KCNA3: variants seen among roughly 807,000 people sequenced by gnomAD.
The protein encoded by KCNA3 is RP11-284N8.3.
Under a neutral mutation model 34.3 loss-of-function variants are expected in KCNA3, and 18 were observed. That is an observed-to-expected ratio of 0.52 (90% CI 0.36 to 0.78). The LOEUF is 0.78. KCNA3 is among the 30% of genes least tolerant of loss of function. The pLI is 0.00. For missense variants in KCNA3, 587 were observed against 802.5 expected (o/e 0.73, Z 3.24); for synonymous variants, 324 against 351.7 (o/e 0.92, Z 0.88).
At chr1:110,654,394 G>A in the KCNA3 span, 1 of 152,062 alleles carries the variant, frequency 6.6e-6, no homozygotes, top group Non-Finnish European at 1.5e-5. Context: ...ATGGTCACTA[G>A]GTTGGATTTT....
rs1016385036 is a variant in KCNA3, at chr1:110,674,922, C to T, written c.-113G>A. ...CCACCGCCTGTTGCAGCCAAAGCCG[C>T]GATGCTCTGTCTGGGTCTGGCGCGG... On this transcript the variant is annotated 5_prime_UTR_variant, in exon 1 of 1. Coordinates refer to ENST00000369769, the MANE Select transcript of KCNA3 (RefSeq NM_002232.5). The surrounding 1 kb of genome is among the most constrained non-coding windows in gnomAD (Gnocchi z 6.4). The T allele has an allele frequency of 1.1e-5, 14 of 1,242,242 alleles. No individual in the cohort carries two copies. In the African/African-American group the frequency reaches 1.9e-4, roughly 17 times the overall value. The allele number at this position is 1,242,242 out of a possible 1,614,324, so 77.0% of individuals were successfully genotyped here.
chr1:110,656,278 T>C, the KCNA3 span: 1 of 152,176 alleles, frequency 6.6e-6, no homozygotes, highest in African/African-American at 2.4e-5. Flanking sequence ...TGATAAATCA[T>C]AATAATTTAA....
the KCNA3 span, among the ~76,000 whole-genome samples, chr1:110,657,388 T>C: frequency 6.6e-6 from 1 of 152,112 alleles, no homozygotes; most frequent in African/African-American, 2.4e-5. Flanking sequence ...ATAATGAGAA[T>C]TTGGGGACTG....
chr1:110,667,652 T>C (rs1358200754), downstream of KCNA3, among the ~76,000 whole-genome samples: 1 of 152,144 alleles, frequency 6.6e-6, no homozygotes, highest in Non-Finnish European at 1.5e-5. Context: ...CTCTTCTTAA[T>C]ATGCATTTGA....
chr1:110,659,989 C>T, the KCNA3 span, among the ~76,000 whole-genome samples: 1 of 152,042 alleles, frequency 6.6e-6, no homozygotes, highest in African/African-American at 2.4e-5. Flanking sequence ...ATGTAAATGA[C>T]AAGTTGATGG....
the KCNA3 span, among the ~76,000 whole-genome samples, chr1:110,663,902 T>C: frequency 6.6e-6 from 1 of 152,226 alleles, no homozygotes; most frequent in Admixed American, 6.5e-5. Flanking sequence ...CTTCAAAAAA[T>C]AGCTAATTTT....
At chr1:110,671,301 G>A (rs945129332), downstream of KCNA3, among the ~76,000 whole-genome samples, 1 of 152,220 alleles carries the variant, frequency 6.6e-6, no homozygotes, top group Non-Finnish European at 1.5e-5. Flanking sequence ...CTAAACGACA[G>A]TTAGCAACAT....
At chr1:110,660,397 T>C in the KCNA3 span, among the ~76,000 whole-genome samples, 2 of 152,096 alleles carry the variant, frequency 1.3e-5, no homozygotes, top group East Asian at 3.8e-4. Context: ...GTGTTAATTT[T>C]CTCAGTGTAT....
the KCNA3 span, among the ~76,000 whole-genome samples, chr1:110,661,286 G>C: frequency 6.6e-6 from 1 of 152,108 alleles, no homozygotes; most frequent in Non-Finnish European, 1.5e-5. Context: ...TGTGTGCTGG[G>C]CAATCAATTA....
In KCNA3 at chr1:110,673,162, C is replaced by A; in HGVS notation, c.1648G>T (p.Gly550Cys). 1 of 1,614,012 alleles carries A rather than the reference C, an allele frequency of 6.2e-7. No individual in the cohort carries two copies. Among genetic ancestry groups the A allele is most frequent in the Non-Finnish European group, 8.5e-7 (1 of 1,180,004 alleles). ...SAFPQTPFKTGNSTATCTTNN... is the reference protein window; with the variant it reads ...SAFPQTPFKTCNSTATCTTNN... ...GTGGTGCAGGTGGCAGTGGAATTGC[C>A]CGTTTTGAAAGGGGTCTGGGGGAAA... The change falls in exon 1 of 1, where the codon GGC becomes TGC. Residue 550 changes from glycine to cysteine, a missense_variant. Gly to Cys is a radical substitution (Grantham distance 159). Transcript: ENST00000369769. This position sits in a 1 kb window ranked among gnomAD's most constrained non-coding sequence, Gnocchi z 8.8.
chr1:110,658,399 A>G, the KCNA3 span, among the ~76,000 whole-genome samples: 1 of 152,188 alleles, frequency 6.6e-6, no homozygotes, highest in Admixed American at 6.5e-5. Context: ...GTTCAGGTAT[A>G]TTTTGAAACT....
At position 110,674,257 on chromosome 1, in the gene KCNA3, G is replaced by A. The variant is rs1355161432; in HGVS notation, c.553C>T (p.Arg185Cys). Residue 185 changes from arginine to cysteine, a missense_variant, in exon 1 of 1, where the codon CGC becomes TGC. This residue lies in a region of KCNA3 where 341 missense variants were observed against 355.4 expected (regional missense o/e 0.96). Transcript: ENST00000369769. The surrounding 1 kb of genome is among the most constrained non-coding windows in gnomAD (Gnocchi z 6.4). ...GCCTCCTCGCCCAGCTGGTAGAAGCGGATCTCCTCGGAGAAAATGTCGATG... is the reference window on the plus strand; with the variant it reads ...GCCTCCTCGCCCAGCTGGTAGAAGCAGATCTCCTCGGAGAAAATGTCGATG... ...VPIDIFSEEI[R>C]FYQLGEEAME... The A allele has an allele frequency of 6.2e-7, 1 of 1,614,002 alleles. No individual in the cohort carries two copies. The highest frequency in any genetic ancestry group is 1.7e-5 in the Admixed American group (1 of 60,010).
chr1:110,670,842 C>T (rs1313609848), downstream of KCNA3, among the ~76,000 whole-genome samples: 1 of 152,096 alleles, frequency 6.6e-6, no homozygotes, highest in Non-Finnish European at 1.5e-5. Context: ...TCACTATTTT[C>T]CTCTCTCTTC....
rs557924075 is a variant in KCNA3 at position 110,672,826 on chromosome 1, CG to C, written c.*255del. 768 of 421,874 alleles carry C rather than the reference CG, an allele frequency of 1.8e-3. 1 individual carries two copies. Among genetic ancestry groups the C allele is most frequent in the Middle Eastern group, 3.6e-3 (6 of 1,684 alleles). The allele number at this position is 421,874 out of a possible 1,614,324, so 26.1% of individuals were successfully genotyped here. On this transcript the variant is annotated 3_prime_UTR_variant, in exon 1 of 1. Transcript: ENST00000369769. ...GGCGTGTACTAGAAATGAAGTTTAA[CG>C]TAAGTCTGTTGTTTACAATGTTAAG...
At chr1:110,662,914 A>G in the KCNA3 span, among the ~76,000 whole-genome samples, 1 of 152,308 alleles carries the variant, frequency 6.6e-6, no homozygotes, top group East Asian at 1.9e-4. Context: ...CAATTCAAAC[A>G]GTTCTTGCTT....
In KCNA3 at chr1:110,673,158, T is replaced by C. The variant is rs753131399; in HGVS notation, c.1652A>G (p.Asn551Ser). 2.1e-5 allele frequency: 34 copies of C among 1,614,030 alleles called. No individual in the cohort carries two copies. The highest frequency in any genetic ancestry group is 1.7e-5 in the Non-Finnish European group (20 of 1,180,030). ...AFPQTPFKTG[N>S]STATCTTNNN... Reference sequence around the variant, plus strand: ...GTTCGTGGTGCAGGTGGCAGTGGAATTGCCCGTTTTGAAAGGGGTCTGGGG... The same window carrying C: ...GTTCGTGGTGCAGGTGGCAGTGGAACTGCCCGTTTTGAAAGGGGTCTGGGG... Residue 551 changes from asparagine to serine, a missense_variant, in exon 1 of 1, where the codon AAT becomes AGT. Physicochemically the swap from Asn to Ser is conservative, Grantham distance 46. Around this residue, in one of 7 missense-constraint regions of KCNA3, gnomAD observed 95 missense variants for 107.3 expected, o/e 0.89. Transcript: ENST00000369769. The surrounding 1 kb of genome is among the most constrained non-coding windows in gnomAD (Gnocchi z 8.8).
At chr1:110,661,451 T>C in the KCNA3 span, among the ~76,000 whole-genome samples, 2 of 152,220 alleles carry the variant, frequency 1.3e-5, no homozygotes, top group Non-Finnish European at 2.9e-5. Context: ...TAATTTTCAC[T>C]ATCAGAGTTT....
Position 110,673,164 on chromosome 1 carries a change from G to A in KCNA3, c.1646C>T (p.Thr549Met). 3.1e-6 allele frequency: 5 copies of A among 1,614,086 alleles called. No homozygotes were observed. Among genetic ancestry groups the A allele is most frequent in the African/African-American group, 1.3e-5 (1 of 75,008 alleles). The change falls in exon 1 of 1, where the codon ACG (threonine) becomes ATG (methionine). Residue 549 changes from threonine (T) to methionine (M), a missense_variant. Transcript: ENST00000369769. The surrounding 1 kb of genome is among the most constrained non-coding windows in gnomAD (Gnocchi z 8.8). ...HSAFPQTPFK[T>M]GNSTATCTTN... ...GGTGCAGGTGGCAGTGGAATTGCCC[G>A]TTTTGAAAGGGGTCTGGGGGAAAGC...
chr1:110,659,872 G>A, the KCNA3 span, among the ~76,000 whole-genome samples: 2 of 150,928 alleles, frequency 1.3e-5, no homozygotes, highest in African/African-American at 4.9e-5. Flanking sequence ...ACTTACAGGT[G>A]GGAATTGAAC....
Sources: allele counts gnomAD v4.1 joint callset (sites outside exome capture counted in the v4.1 genomes callset), GRCh38; gene constraint gnomAD v4.1.1; regional missense constraint gnomAD v4.1.1; non-coding constraint Gnocchi (gnomAD v3.1); transcripts MANE v1.5; gene names NCBI Gene and HGNC (gene_info 2026-07-23, HGNC 2026-07-21).